The following NFYC variants were observed in gnomAD, a reference collection of about 807,000 sequenced individuals.
The protein encoded by NFYC is nuclear transcription factor Y subunit gamma, also known as CAAT box DNA-binding protein subunit C.
Under a neutral mutation model 53.1 loss-of-function variants are expected in NFYC, and 25 were observed. That is an observed-to-expected ratio of 0.47 (90% CI 0.34 to 0.66). The LOEUF (loss-of-function observed/expected upper bound fraction) is 0.66, where lower values mean the gene tolerates loss of function less well. NFYC is among the 30% of genes least tolerant of loss of function. The probability of loss-of-function intolerance (pLI) is 0.01; values close to 1 mark genes in which losing one functional copy is unlikely to be tolerated. For missense variants in NFYC, 260 were observed against 422.7 expected (o/e 0.62, Z 3.38); for synonymous variants, 145 against 152.6 (o/e 0.95, Z 0.37).
At chr1:40,715,158 C>T (rs1644086132) in intron 1 of NFYC, among the ~76,000 whole-genome samples, 1 of 151,418 alleles carries the variant, frequency 6.6e-6, no homozygotes, top group Admixed American at 6.6e-5. Flanking sequence ...AATCCCAGCA[C>T]TTTGGGAGGC....
At chr1:40,734,552 G>A (rs977994356) in intron 1 of NFYC, among the ~76,000 whole-genome samples, 12 of 151,840 alleles carry the variant, frequency 7.9e-5, no homozygotes, top group African/African-American at 2.9e-4. Flanking sequence ...GTAGAGATGA[G>A]GTTTCACCAT....
chr1:40,718,323 G>A (rs1388850086), intron 1 of NFYC, among the ~76,000 whole-genome samples: 1 of 152,192 alleles, frequency 6.6e-6, no homozygotes, highest in Non-Finnish European at 1.5e-5. Flanking sequence ...AGAGCCTAGT[G>A]ACAAAGGCTT....
At chr1:40,712,834 G>A (rs375604428) in intron 1 of NFYC, 13 of 151,368 alleles carry the variant, frequency 8.6e-5, no homozygotes, top group Admixed American at 5.3e-4. Flanking sequence ...ATGTGCCACC[G>A]TGCCCAACTA....
chr1:40,770,394 C>T lies in NFYC; in HGVS notation c.889-315C>T, dbSNP rs1557952349. The stretch of plus-strand genomic sequence containing the variant: ...TGGTTCGAATTGCTTGTGTTTGCCA[C>T]AGAGGAACAGCGTGCAGCAAGCTCG... On this transcript the variant is annotated intron_variant, in intron 9 of 9. Coordinates refer to ENST00000447388, the MANE Select transcript of NFYC (RefSeq NM_014223.5). This position sits in a 1 kb window ranked among gnomAD's most constrained non-coding sequence, Gnocchi z 5.3. 6.5e-7 allele frequency: 1 copy of T among 1,542,652 alleles called. No individual in the cohort carries two copies. The highest frequency in any genetic ancestry group is 8.8e-7 in the Non-Finnish European group (1 of 1,140,956).
At chr1:40,723,154 G>C (rs537786292) in intron 1 of NFYC, 1 of 151,822 alleles carries the variant, frequency 6.6e-6, no homozygotes, top group Non-Finnish European at 1.5e-5. Context: ...TCTGAAGCCC[G>C]TAAGTTGGCA....
At chr1:40,719,283 A>G (rs368214627) in intron 1 of NFYC, among the ~76,000 whole-genome samples, 1 of 152,252 alleles carries the variant, frequency 6.6e-6, no homozygotes, top group East Asian at 1.9e-4. Flanking sequence ...GAATGGCTGG[A>G]TAATTAAAAT....
intron 1 of NFYC, chr1:40,735,144 G>C (rs905346160): frequency 6.7e-6 from 1 of 149,050 alleles, no homozygotes; most frequent in African/African-American, 2.5e-5. Context: ...AGCTGCGAGC[G>C]TCTTATGAAG....
intron 1 of NFYC, among the ~76,000 whole-genome samples, chr1:40,705,621 A>C (rs1485797707): frequency 6.6e-6 from 1 of 152,212 alleles, no homozygotes; most frequent in Non-Finnish European, 1.5e-5. Context: ...TTACTGGTTA[A>C]ATGGTCCTAA....
Position 40,770,487 on chromosome 1 carries a change from A to T in NFYC, c.889-222A>T. On this transcript the variant is annotated intron_variant, in intron 9 of 9. Transcript: ENST00000447388. This position sits in a 1 kb window ranked among gnomAD's most constrained non-coding sequence, Gnocchi z 5.3. ...AGCCACAGGAAATTCAACTCCCTGC[A>T]CCTCTTCCCTGCCCACCACACACCC... 6.4e-7 allele frequency: 1 copy of T among 1,551,386 alleles called. No homozygotes were observed.
chr1:40,747,705 C>G, intron 3 of NFYC, 100 bp downstream of exon 3: 2 of 773,752 alleles, frequency 2.6e-6, no homozygotes, highest in Non-Finnish European at 4.2e-6. Context: ...AACAAGAACA[C>G]ACAAAAATTA....
Position 40,718,192 on chromosome 1 carries a change from AT to A in NFYC, c.-8-20643del, listed in dbSNP as rs1644207357. ...CAATGTAATAGAATGCAGTGTTTAT[AT>A]GAATAGTACTTTATAGTTAGTGAAG... On this transcript the variant is annotated intron_variant, in intron 1 of 9. Transcript: ENST00000447388. Among the ~76,000 whole-genome samples the A allele has an allele frequency of 2.0e-5, 3 of 152,196 alleles. No individual in the cohort carries two copies. The South Asian group carries it at 6.2e-4, about 32-fold the overall frequency.
intron 1 of NFYC, among the ~76,000 whole-genome samples, chr1:40,697,267 C>T (rs1011530405): frequency 1.3e-5 from 2 of 152,210 alleles, no homozygotes; most frequent in Non-Finnish European, 2.9e-5. Context: ...CAGCCCGTTA[C>T]AGCTTCCTTG....
chr1:40,728,022 T>G (rs927481014), intron 1 of NFYC, among the ~76,000 whole-genome samples: 66 of 152,080 alleles, frequency 4.3e-4, no homozygotes, highest in African/African-American at 1.5e-3. Context: ...CACTGCAGCC[T>G]CATGCTTTGG....
chr1:40,736,230 G>C (rs551890912), intron 1 of NFYC, among the ~76,000 whole-genome samples: 1 of 152,014 alleles, frequency 6.6e-6, no homozygotes, highest in Admixed American at 6.6e-5. Flanking sequence ...TTTGAGGCTT[G>C]TATTGTTGTT....
intron 1 of NFYC, chr1:40,734,888 CA>C (rs1443678606): frequency 6.6e-6 from 1 of 152,090 alleles, no homozygotes; most frequent in Non-Finnish European, 1.5e-5. Context: ...TTGTGTCCTT[CA>C]AAAGAAGATT....
chr1:40,757,827 G>C, intron 5 of NFYC: 1 of 495,402 alleles, frequency 2.0e-6, no homozygotes, highest in Non-Finnish European at 3.7e-6. Flanking sequence ...GCTGGTGTGT[G>C]GTTTTTAGTT....
rs17405221 is a variant in NFYC, at chr1:40,712,211, A to G, written c.-9+20344A>G. Among the ~76,000 whole-genome samples, 3,597 of 152,308 alleles carry G rather than the reference A, an allele frequency of 0.024. 67 individuals are homozygous for G. Among genetic ancestry groups the G allele is most frequent in the Middle Eastern group, 0.058 (17 of 294 alleles). The stretch of plus-strand genomic sequence containing the variant: ...TTTAAACCTGACACATTTCTTTTTA[A>G]ACTGCCTTCACCTGCATATTCCTAT... On this transcript the variant is annotated intron_variant, in intron 1 of 9. Coordinates refer to ENST00000447388, the MANE Select transcript of NFYC (RefSeq NM_014223.5).
intron 6 of NFYC, among the ~76,000 whole-genome samples, chr1:40,760,376 G>A (rs1000121240): frequency 4.6e-5 from 7 of 152,172 alleles, no homozygotes; most frequent in Non-Finnish European, 1.0e-4. Context: ...AGACCAGCCT[G>A]GGCAATATGG....
chr1:40,769,765 T>C (rs183657337), intron 9 of NFYC, among the ~76,000 whole-genome samples: 1 of 152,288 alleles, frequency 6.6e-6, no homozygotes, highest in African/African-American at 2.4e-5. Context: ...CTGTATTTTT[T>C]TCCCCTCTAA....
Sources: gnomAD v4.1 joint callset for allele counts (sites outside exome capture counted in the v4.1 genomes callset) on GRCh38, gnomAD v4.1.1 for gene constraint, Gnocchi (gnomAD v3.1) non-coding constraint, MANE v1.5 for transcripts, NCBI Gene and HGNC (gene_info 2026-07-23, HGNC 2026-07-21) for gene names.